Variants in MMS22L observed in about 807,000 individuals in gnomAD.
MMS22L encodes the protein protein MMS22-like.
In MMS22L, 74 loss-of-function variants were observed where a neutral mutation model predicts 159.1. That is an observed-to-expected ratio of 0.47 (90% confidence interval 0.39 to 0.56). The LOEUF is 0.56. MMS22L is among the 20% of genes least tolerant of loss of function. The pLI is 0.00. For synonymous variants in MMS22L, 517 were observed against 506.9 expected (o/e 1.02, Z -0.27); for missense variants, 1,351 against 1,422.1 (o/e 0.95, Z 0.80).
At chr6:97,188,554 C>T (rs1303265059) in intron 14 of MMS22L, among the ~76,000 whole-genome samples, 1 of 152,114 alleles carries the variant, frequency 6.6e-6, no homozygotes. Flanking sequence ...AAGGGCTGGC[C>T]CCATCATCTG....
At chr6:97,157,724 T>C (rs904868503) in intron 22 of MMS22L, among the ~76,000 whole-genome samples, 4 of 152,226 alleles carry the variant, frequency 2.6e-5, no homozygotes, top group Admixed American at 2.0e-4. Context: ...GGTTTGCCAG[T>C]ATTTTATTGA....
In MMS22L at chr6:97,146,665, A is replaced by T; in HGVS notation, c.*141T>A. On this transcript the variant is annotated 3_prime_UTR_variant, in exon 25 of 25. Transcript: ENST00000683635. ...TCAGTTCCTTATTTATACATTTTTT[A>T]CTTACAGATATAAAAGGAAAAAAAA... 1 of 496,198 alleles carries T rather than the reference A, an allele frequency of 2.0e-6. No individual in the cohort carries two copies. Among genetic ancestry groups the T allele is most frequent in the African/African-American group, 2.0e-5 (1 of 48,994 alleles). 30.7% of individuals were successfully genotyped at this position (496,198 alleles called of 1,614,324 possible).
intron 1 of MMS22L, 35 bp from the exon 2 acceptor site, chr6:97,282,588 G>A (rs1816862156): frequency 6.5e-6 from 3 of 461,852 alleles, no homozygotes; most frequent in South Asian, 6.5e-5. Context: ...CGAGAGAGTG[G>A]GGATTACTTC....
intron 22 of MMS22L, among the ~76,000 whole-genome samples, chr6:97,156,077 A>C (rs1394173533): frequency 6.6e-6 from 1 of 152,180 alleles, no homozygotes; most frequent in Non-Finnish European, 1.5e-5. Flanking sequence ...TTCTCTAATG[A>C]CCAGTGATGA....
chr6:97,282,851 C>T, intron 1 of MMS22L: 1 of 166,488 alleles, frequency 6.0e-6, no homozygotes, highest in Non-Finnish European at 1.3e-5. Context: ...CTGCGCCCTC[C>T]GCAACGTTTC....
chr6:97,208,886 C>A (rs550930924), intron 14 of MMS22L, among the ~76,000 whole-genome samples: 1 of 152,078 alleles, frequency 6.6e-6, no homozygotes, highest in South Asian at 2.1e-4. Flanking sequence ...TAGTTTGTAT[C>A]GCTACCTAAA....
At chr6:97,193,106 T>A (rs1355328133) in intron 14 of MMS22L, among the ~76,000 whole-genome samples, 1 of 152,222 alleles carries the variant, frequency 6.6e-6, no homozygotes, top group East Asian at 1.9e-4. Context: ...TAAAGTAGTA[T>A]AACAGCTAAT....
intron 3 of MMS22L, among the ~76,000 whole-genome samples, chr6:97,280,793 T>C (rs1816692020): frequency 6.6e-6 from 1 of 152,128 alleles, no homozygotes; most frequent in African/African-American, 2.4e-5. Flanking sequence ...GGAGGGTATA[T>C]GGATGTTCAT....
In MMS22L at chr6:97,162,099, G is replaced by A. The variant is rs749836036; in HGVS notation, c.3288C>T (p.Ile1096=). The stretch of plus-strand genomic sequence containing the variant: ...TGTTAGTTTCCTTGAAGAGTTGGAG[G>A]ATGAAGGCCAGAATGGATGCTAAGC... ...PPRLASILAF[I]LQLFKETNTD... Residue 1096 remains isoleucine, a synonymous_variant, in exon 22 of 25, where the codon ATC becomes ATT. Transcript: ENST00000683635. 1.2e-6 allele frequency: 2 copies of A among 1,612,278 alleles called. No homozygotes were observed. Among genetic ancestry groups the A allele is most frequent in the Non-Finnish European group, 1.7e-6 (2 of 1,179,084 alleles).
chr6:97,177,666 T>C (rs752997008), intron 18 of MMS22L, among the ~76,000 whole-genome samples: 32 of 152,196 alleles, frequency 2.1e-4, no homozygotes, highest in Non-Finnish European at 4.0e-4. Context: ...CTGCATTTAC[T>C]ATTATCAAAT....
chr6:97,186,409 A>G, intron 15 of MMS22L, 88 bp downstream of exon 15: 1 of 1,091,262 alleles, frequency 9.2e-7, no homozygotes, highest in Non-Finnish European at 1.3e-6. Flanking sequence ...TGTTTGCTAT[A>G]CAAGAGTTTG....
rs137931488 is a variant in MMS22L at position 97,180,852 on chromosome 6, A to T, written c.2384+1052T>A. ...AAGCCCAATGAAAAAATGTATACTT[A>T]ATGATACTGCTTATTGAAGCTTCCT... On this transcript the variant is annotated intron_variant, in intron 16 of 24. Transcript: ENST00000683635. Among the ~76,000 whole-genome samples the T allele has an allele frequency of 1.2e-3, 188 of 152,338 alleles. 1 individual carries two copies. Among genetic ancestry groups the T allele is most frequent in the African/African-American group, 4.3e-3 (178 of 41,590 alleles).
chr6:97,188,996 TAAAGG>T (rs1407209487), intron 14 of MMS22L, among the ~76,000 whole-genome samples: 1 of 151,020 alleles, frequency 6.6e-6, no homozygotes, highest in African/African-American at 2.4e-5. Context: ...ATAAATAAAA[TAAAGG>T]AATTTCAGAA....
At chr6:97,209,033 T>C (rs898624434) in intron 14 of MMS22L, among the ~76,000 whole-genome samples, 7 of 151,940 alleles carry the variant, frequency 4.6e-5, no homozygotes, top group African/African-American at 1.7e-4. Flanking sequence ...TCCCTACCCC[T>C]CCTCCTTCCT....
At position 97,263,536 on chromosome 6, in the gene MMS22L, A is replaced by C. The variant is rs942223890; in HGVS notation, c.829-88T>G. 1.1e-5 allele frequency: 6 copies of C among 558,868 alleles called. No homozygotes were observed. The African/African-American group carries it at 1.2e-4, about 11-fold the overall frequency. 34.6% of individuals were successfully genotyped at this position (558,868 alleles called of 1,614,324 possible). ...TCTTTCAAATACTTTTAAAAGAATG[A>C]TTTAGATGACTAAGAATTTATTCTC... On this transcript the variant is annotated intron_variant, in intron 8 of 24. Coordinates refer to ENST00000683635, the MANE Select transcript of MMS22L (RefSeq NM_001350599.2).
intron 14 of MMS22L, among the ~76,000 whole-genome samples, chr6:97,202,209 T>C (rs1481960723): frequency 6.6e-6 from 1 of 152,166 alleles, no homozygotes; most frequent in Non-Finnish European, 1.5e-5. Flanking sequence ...CACCCACCTA[T>C]CCTAAATAAC....
chr6:97,149,831 G>GT, intron 24 of MMS22L, 22 bp downstream of exon 24: 1 of 1,558,490 alleles, frequency 6.4e-7, no homozygotes, highest in South Asian at 1.2e-5. Context: ...CCCCCCCAAT[G>GT]TAATTAAATT....
chr6:97,240,862 G>T (rs1811982106), intron 11 of MMS22L, among the ~76,000 whole-genome samples: 1 of 151,734 alleles, frequency 6.6e-6, no homozygotes, highest in Admixed American at 6.6e-5. Flanking sequence ...CCTGACCTCA[G>T]GTGATCCACC....
intron 14 of MMS22L, among the ~76,000 whole-genome samples, chr6:97,208,969 T>C (rs377582817): frequency 1.8e-4 from 27 of 151,928 alleles, no homozygotes; most frequent in Admixed American, 5.2e-4. Context: ...CTCACTTCTC[T>C]TCTTCAACAA....
Sources: gnomAD v4.1 joint callset for allele counts (sites outside exome capture counted in the v4.1 genomes callset) on GRCh38, gnomAD v4.1.1 for gene constraint, MANE v1.5 for transcripts, NCBI Gene and HGNC (gene_info 2026-07-23, HGNC 2026-07-21) for gene names.